GNB4: variants seen among roughly 807,000 people sequenced by gnomAD.
GNB4 encodes G protein subunit beta 4.
GNB4 carries 28 observed loss-of-function variants against 45.2 expected under a neutral mutation model. That is an observed-to-expected ratio of 0.62 (90% CI 0.46 to 0.85). GNB4 has a LOEUF of 0.85. Ranked by LOEUF, GNB4 falls within the 40% of genes least tolerant of loss-of-function variation. GNB4 has a pLI of 0.00. For missense variants in GNB4, 321 were observed against 425.4 expected, an observed-to-expected ratio of 0.75 and a Z score of 2.16; for synonymous variants, 132 against 143.7, an observed-to-expected ratio of 0.92 and a Z score of 0.58.
chr3:179,513,331 G>A, the GNB4 span, among the ~76,000 whole-genome samples: 1 of 151,376 alleles, frequency 6.6e-6, no homozygotes, highest in Non-Finnish European at 1.5e-5. Flanking sequence ...CTACAGATGT[G>A]TGCCGCCACC....
the GNB4 span, among the ~76,000 whole-genome samples, chr3:179,505,507 C>T: frequency 1.1e-3 from 161 of 152,220 alleles, no homozygotes; most frequent in African/African-American, 3.5e-3. Flanking sequence ...TTTTACCTTA[C>T]GAAATTCAGC....
At chr3:179,479,326 C>A in the GNB4 span, among the ~76,000 whole-genome samples, 1 of 152,172 alleles carries the variant, frequency 6.6e-6, no homozygotes, top group Non-Finnish European at 1.5e-5. Flanking sequence ...AAATAATCTT[C>A]TCCCAACATG....
At chr3:179,444,069 C>T (rs1292624245) in intron 1 of GNB4, among the ~76,000 whole-genome samples, 10 of 152,220 alleles carry the variant, frequency 6.6e-5, no homozygotes, top group African/African-American at 2.4e-4. Context: ...GATTCTTCAG[C>T]ATCCTCTCAT....
At chr3:179,504,846 C>A in the GNB4 span, among the ~76,000 whole-genome samples, 1 of 152,008 alleles carries the variant, frequency 6.6e-6, no homozygotes, top group Non-Finnish European at 1.5e-5. Context: ...ACAAGATGAC[C>A]CTAAGAGAAA....
chr3:179,456,559 GA>G, the GNB4 span, among the ~76,000 whole-genome samples: 1 of 152,202 alleles, frequency 6.6e-6, no homozygotes, highest in East Asian at 1.9e-4. Flanking sequence ...GCTTTGCTTT[GA>G]TTTTAAAACT....
intron 1 of GNB4, among the ~76,000 whole-genome samples, chr3:179,435,365 G>A (rs895539469): frequency 3.3e-5 from 5 of 150,326 alleles, no homozygotes; most frequent in African/African-American, 9.8e-5. Context: ...ATTGATTTAT[G>A]TGTCCCAGGG....
intron 1 of GNB4, among the ~76,000 whole-genome samples, chr3:179,433,485 A>G (rs1715363459): frequency 6.6e-6 from 1 of 152,094 alleles, no homozygotes; most frequent in Non-Finnish European, 1.5e-5. Flanking sequence ...CCACGCTTCT[A>G]GTCTCAGCCA....
At chr3:179,489,007 AAAAAAAAAAAAAATATATATATAT>A in the GNB4 span, among the ~76,000 whole-genome samples, 4 of 37,260 alleles carry the variant, frequency 1.1e-4, no homozygotes, top group African/African-American at 4.8e-4. Context: ...AAAAAAAAAA[AAAAAAAAAAAAAATATATATATAT>A]ATATATATAT....
In GNB4 at chr3:179,419,437, T is replaced by C. The variant is rs375697647; in HGVS notation, c.165A>G (p.Leu55=). 1.2e-6 allele frequency: 2 copies of C among 1,612,844 alleles called. No homozygotes were observed. Among genetic ancestry groups the C allele is most frequent in the South Asian group, 2.2e-5 (2 of 91,058 alleles). The part of the protein sequence containing the change: ...MRTRRTLRGH[L]AKIYAMHWGY... Reference sequence around the variant, plus strand: ...CCCAATGCATAGCATAGATTTTAGCTAGGTGGCCCCTCAGTGTACGTCTTG... The same window carrying C: ...CCCAATGCATAGCATAGATTTTAGCCAGGTGGCCCCTCAGTGTACGTCTTG... The change falls in exon 4 of 10, where the codon CTA becomes CTG. Residue 55 remains leucine (L), a synonymous_variant. Coordinates refer to ENST00000232564, the MANE Select transcript of GNB4 (RefSeq NM_021629.4).
upstream of GNB4, among the ~76,000 whole-genome samples, chr3:179,452,904 T>C (rs996989587): frequency 6.6e-6 from 1 of 152,170 alleles, no homozygotes; most frequent in African/African-American, 2.4e-5. Context: ...TGATTGTCGT[T>C]TTTCGGAGGA....
upstream of GNB4, among the ~76,000 whole-genome samples, chr3:179,453,312 G>A (rs1715930563): frequency 6.6e-6 from 1 of 152,122 alleles, no homozygotes; most frequent in Non-Finnish European, 1.5e-5. Flanking sequence ...AGTAGACACG[G>A]GGTTTCACCG....
chr3:179,521,982 C>T, the GNB4 span, among the ~76,000 whole-genome samples: 21 of 152,216 alleles, frequency 1.4e-4, 2 homozygotes, highest in East Asian at 1.9e-4. Flanking sequence ...TGAGAAACAT[C>T]GCCCATTCTC....
intron 8 of GNB4, among the ~76,000 whole-genome samples, chr3:179,406,884 A>G (rs1314646783): frequency 6.6e-6 from 1 of 152,056 alleles, no homozygotes; most frequent in African/African-American, 2.4e-5. Flanking sequence ...CAAAGTACTG[A>G]GATTACGGGC....
chr3:179,435,446 T>C (rs1715417692), intron 1 of GNB4, among the ~76,000 whole-genome samples: 1 of 119,944 alleles, frequency 8.3e-6, no homozygotes, highest in Non-Finnish European at 1.6e-5. Flanking sequence ...GAATATGAGA[T>C]ACACACACCA....
intron 9 of GNB4, among the ~76,000 whole-genome samples, chr3:179,404,863 C>T (rs1384084694): frequency 6.6e-6 from 1 of 152,116 alleles, no homozygotes; most frequent in East Asian, 1.9e-4. Context: ...AGAAAACCAG[C>T]AGTTACAATG....
chr3:179,509,396 G>A, the GNB4 span, among the ~76,000 whole-genome samples: 65 of 152,088 alleles, frequency 4.3e-4, no homozygotes, highest in Non-Finnish European at 7.9e-4. Context: ...TATTCACACT[G>A]GCATTCTCTG....
chr3:179,475,508 C>G, the GNB4 span, among the ~76,000 whole-genome samples: 1 of 151,878 alleles, frequency 6.6e-6, no homozygotes, highest in African/African-American at 2.4e-5. Flanking sequence ...GAGTCTCAGT[C>G]TCTCACCAGG....
chr3:179,446,607 C>T (rs1239434866), intron 1 of GNB4, among the ~76,000 whole-genome samples: 1 of 152,014 alleles, frequency 6.6e-6, no homozygotes, highest in Non-Finnish European at 1.5e-5. Flanking sequence ...AGTTAATTAT[C>T]CAGTTTGTGA....
chr3:179,447,155 A>G (rs1305019061), intron 1 of GNB4, among the ~76,000 whole-genome samples: 4 of 152,082 alleles, frequency 2.6e-5, no homozygotes, highest in Non-Finnish European at 5.9e-5. Context: ...TGAGAGGATG[A>G]GCTATGTCTT....
Sources: gnomAD v4.1 joint callset for allele counts (sites outside exome capture counted in the v4.1 genomes callset) on GRCh38, gnomAD v4.1.1 for gene constraint, MANE v1.5 for transcripts, NCBI Gene and HGNC (gene_info 2026-07-23, HGNC 2026-07-21) for gene names.